CHPF2: variants seen among roughly 807,000 people sequenced by gnomAD.
The protein encoded by CHPF2 is chondroitin polymerizing factor 2, non-catalytic subunit.
Under a neutral mutation model 63.0 loss-of-function variants are expected in CHPF2, and 58 were observed. The observed-to-expected ratio is 0.92, with a 90% CI of 0.75 to 1.15. The LOEUF (loss-of-function observed/expected upper bound fraction) is 1.15. CHPF2 is among the 50% of genes most tolerant of loss of function. CHPF2 has a pLI of 0.00. For missense variants in CHPF2, 1,045 were observed against 1,035.4 expected (o/e 1.01, Z -0.13); for synonymous variants, 442 against 438.0 (o/e 1.01, Z -0.11).
In CHPF2 at chr7:151,238,337, C is replaced by T. The variant is rs1388309195; in HGVS notation, c.1975C>T (p.Pro659Ser). ...PPGADPSRGA[P>S]IGGRFDRQAS... ...TGGTGCTGACCCCTCCCGGGGGGCT[C>T]CTATAGGGGGGAGATTTGACCGGCA... The change falls in exon 4 of 4, where the codon CCT (proline) becomes TCT (serine). Residue 659 changes from proline (P) to serine (S), a missense_variant. Coordinates refer to ENST00000035307, the MANE Select transcript of CHPF2 (RefSeq NM_019015.3). The T allele has an allele frequency of 1.2e-6, 2 of 1,609,752 alleles. No individual in the cohort carries two copies. The highest frequency in any genetic ancestry group is 2.2e-5 in the East Asian group (1 of 44,794).
At position 151,232,660 on chromosome 7, in the gene CHPF2, C is replaced by A; in HGVS notation, c.-1352C>A. 3.3e-6 allele frequency: 4 copies of A among 1,215,596 alleles called. No individual in the cohort carries two copies. Among genetic ancestry groups the A allele is most frequent in the Non-Finnish European group, 3.3e-6 (3 of 898,024 alleles). The allele number at this position is 1,215,596 out of a possible 1,614,324, so 75.3% of individuals were successfully genotyped here. A position where few individuals can be genotyped will look rare whatever the true frequency, so the allele number is the denominator to read the frequency against. ...CGCCCCCTCCCGGGACGCCGGGAGA[C>A]CCCGGCCGTCCTTTATCCGGTGTCC... On this transcript the variant is annotated 5_prime_UTR_variant, in exon 1 of 4. Transcript: ENST00000035307.
In CHPF2 at chr7:151,233,261, T is replaced by C; in HGVS notation, c.-751T>C. 1 of 992,910 alleles carries C rather than the reference T, an allele frequency of 1.0e-6. No individual in the cohort carries two copies. The allele number at this position is 992,910 out of a possible 1,614,324, so 61.5% of individuals were successfully genotyped here. A position where few individuals can be genotyped will look rare whatever the true frequency, so the allele number is the denominator to read the frequency against. ...CCCTGCAAGATGGCTCCATCGGCCA[T>C]GGCGCTCCTGAGAGGCTGTCAGTGC... On this transcript the variant is annotated 5_prime_UTR_variant, in exon 1 of 4. It removes an upstream start codon present in the reference 5' UTR. Transcript: ENST00000035307.
intron 2 of CHPF2, 29 bp from the exon 3 acceptor site, chr7:151,236,379 G>A: frequency 3.2e-6 from 5 of 1,539,288 alleles, no homozygotes; most frequent in Non-Finnish European, 3.5e-6. Context: ...TCTTGTGTGT[G>A]TCATTGATTG....
In CHPF2 at chr7:151,232,837, C is replaced by G. The variant is rs764681672; in HGVS notation, c.-1175C>G. The G allele has an allele frequency of 4.6e-5, 67 of 1,456,056 alleles. No individual in the cohort carries two copies. The highest frequency in any genetic ancestry group is 5.4e-6 in the Non-Finnish European group (6 of 1,108,910). 90.2% of individuals were successfully genotyped at this position (1,456,056 alleles called of 1,614,324 possible). On this transcript the variant is annotated 5_prime_UTR_variant, in exon 1 of 4. Transcript: ENST00000035307. The stretch of plus-strand genomic sequence containing the variant: ...GAGGTCTGTGCCCCAGTCTCCCAGC[C>G]GCGACCTCCGACCCCGCCTCGCAGA...
rs142308143 is a variant in CHPF2 at position 151,236,485 on chromosome 7, C to T, written c.906C>T (p.Ala302=). The T allele has an allele frequency of 8.4e-5, 135 of 1,610,574 alleles. No individual in the cohort carries two copies. In the African/African-American group the frequency reaches 1.7e-3, roughly 20 times the overall value. The change falls in exon 3 of 4, where the codon GCC becomes GCT. Residue 302 remains alanine (A), a synonymous_variant. Transcript: ENST00000035307. The part of the protein sequence containing the change: ...EKEGSSAFLS[A]FAVHPVSEGT... ...AAGGGAGCTCGGCTTTCCTGAGTGC[C>T]TTCGCCGTGCACCCTGTCTCCGAAG...
Position 151,237,620 on chromosome 7 carries a change from C to G in CHPF2, c.1258C>G (p.Pro420Ala). ...ALEQLNRRYQ[P>A]RLRFQKQRLL... Reference sequence around the variant, plus strand: ...GGAGCAGCTCAATCGGCGCTATCAGCCCCGCCTGCGCTTCCAGAAGCAGCG... The same window carrying G: ...GGAGCAGCTCAATCGGCGCTATCAGGCCCGCCTGCGCTTCCAGAAGCAGCG... Residue 420 changes from proline to alanine, a missense_variant, in exon 4 of 4, where the codon CCC (proline) becomes GCC (alanine). Physicochemically the swap from Pro to Ala is conservative, Grantham distance 27. Coordinates refer to ENST00000035307, the MANE Select transcript of CHPF2 (RefSeq NM_019015.3). 1 of 1,613,172 alleles carries G rather than the reference C, an allele frequency of 6.2e-7. No homozygotes were observed. Among genetic ancestry groups the G allele is most frequent in the Non-Finnish European group, 8.5e-7 (1 of 1,179,896 alleles).
chr7:151,237,185 C>T (rs1221758095), intron 3 of CHPF2, 189 bp from the exon 4 acceptor site: 5 of 612,420 alleles, frequency 8.2e-6, no homozygotes, highest in Non-Finnish European at 1.5e-5. Flanking sequence ...GAGTATGATT[C>T]CTATTCCATC....
In CHPF2 at chr7:151,233,012, G is replaced by T; in HGVS notation, c.-1000G>T. Reference sequence around the variant, plus strand: ...CTGATCGCCGAGAGGTAGCGCAGGGGCTGTGGGCCCCCGGCAGGGGTCCTG... The same window carrying T: ...CTGATCGCCGAGAGGTAGCGCAGGGTCTGTGGGCCCCCGGCAGGGGTCCTG... On this transcript the variant is annotated 5_prime_UTR_variant, in exon 1 of 4. Transcript: ENST00000035307. The T allele has an allele frequency of 1.6e-6, 2 of 1,269,792 alleles. No individual in the cohort carries two copies. The highest frequency in any genetic ancestry group is 3.2e-5 in the East Asian group (1 of 31,488). The allele number at this position is 1,269,792 out of a possible 1,614,324, so 78.7% of individuals were successfully genotyped here. A position where few individuals can be genotyped will look rare whatever the true frequency, so the allele number is the denominator to read the frequency against.
At position 151,238,070 on chromosome 7, in the gene CHPF2, G is replaced by C; in HGVS notation, c.1708G>C (p.Ala570Pro). The change falls in exon 4 of 4, where the codon GCC becomes CCC. Residue 570 changes from alanine (A) to proline (P), a missense_variant. Physicochemically the swap from Ala to Pro is conservative, Grantham distance 27. Transcript: ENST00000035307. ...GGCCTGGCTCGCTGTGCGAGCAGAG[G>C]CCCCTTCCCAGGTGCGACTCATGGA... ...RLAWLAVRAE[A>P]PSQVRLMDVV... is the part of the protein sequence containing the mutation. The C allele has an allele frequency of 6.2e-7, 1 of 1,612,334 alleles. No individual in the cohort carries two copies. Among genetic ancestry groups the C allele is most frequent in the Non-Finnish European group, 8.5e-7 (1 of 1,180,002 alleles).
chr7:151,234,593 G>A (rs912211375), intron 1 of CHPF2, among the ~76,000 whole-genome samples: 1 of 152,172 alleles, frequency 6.6e-6, no homozygotes, highest in Non-Finnish European at 1.5e-5. Context: ...CCAGGTTCAA[G>A]TGATTTTCCT....
At position 151,237,665 on chromosome 7, in the gene CHPF2, C is replaced by T. The variant is rs372645185; in HGVS notation, c.1303C>T (p.Arg435Cys). 52 of 1,613,120 alleles carry T rather than the reference C, an allele frequency of 3.2e-5. No individual in the cohort carries two copies. Among genetic ancestry groups the T allele is most frequent in the South Asian group, 4.4e-5 (4 of 91,096 alleles). Residue 435 changes from arginine to cysteine, a missense_variant, in exon 4 of 4, where the codon CGC (arginine) becomes TGC (cysteine). Physicochemically the swap from Arg to Cys is radical, Grantham distance 180 (BLOSUM62 -3). Coordinates refer to ENST00000035307, the MANE Select transcript of CHPF2 (RefSeq NM_019015.3). ...QKQRLLNGYRRFDPARGMEYT... is the reference protein window; with the variant it reads ...QKQRLLNGYRCFDPARGMEYT... ...GCAGCGACTGCTCAACGGCTATCGG[C>T]GCTTCGACCCAGCACGGGGCATGGA...
In CHPF2 at chr7:151,233,478, C is replaced by T; in HGVS notation, c.-534C>T. The T allele has an allele frequency of 3.0e-6, 3 of 985,832 alleles. No individual in the cohort carries two copies. The highest frequency in any genetic ancestry group is 3.6e-6 in the Non-Finnish European group (3 of 830,190). The allele number at this position is 985,832 out of a possible 1,614,324, so 61.1% of individuals were successfully genotyped here. On this transcript the variant is annotated 5_prime_UTR_variant, in exon 1 of 4. Transcript: ENST00000035307. ...GCCTGCCGCAGTGGCTCAGCAGCCC[C>T]TTCAGTAGCCCGCCTGAGGACCGAT... is the stretch of plus-strand genomic sequence containing the variant.
rs1021772098 is a variant in CHPF2 at position 151,232,939 on chromosome 7, A to T, written c.-1073A>T. 1.5e-6 allele frequency: 2 copies of T among 1,336,138 alleles called. No individual in the cohort carries two copies. The highest frequency in any genetic ancestry group is 6.3e-5 in the East Asian group (2 of 31,870). The allele number at this position is 1,336,138 out of a possible 1,614,324, so 82.8% of individuals were successfully genotyped here. ...CCAGTTTATTTCTGTTTTGAGACGA[A>T]CGGCGAAGACTCGCGTCGGGTCTTC... On this transcript the variant is annotated 5_prime_UTR_variant, in exon 1 of 4. Transcript: ENST00000035307.
Position 151,234,053 on chromosome 7 carries a change from TC to T in CHPF2, c.46del (p.Leu16SerfsTer3), listed in dbSNP as rs1469423406. On this transcript the variant is annotated frameshift_variant, in exon 1 of 4. Coordinates refer to ENST00000035307, the MANE Select transcript of CHPF2 (RefSeq NM_019015.3). LOFTEE classifies it high-confidence loss of function. ...SLLALLRPAL[P>X]LILGLSLGCS... Reference sequence around the variant, plus strand: ...TGTTGGCTCTGCTGCGGCCAGCGCTTCCCCTCATCTTAGGGCTGTCTCTGGG... The same window carrying T: ...TGTTGGCTCTGCTGCGGCCAGCGCTTCCCTCATCTTAGGGCTGTCTCTGGG... The T allele has an allele frequency of 7.7e-6, 12 of 1,568,130 alleles. No individual in the cohort carries two copies. Among genetic ancestry groups the T allele is most frequent in the Non-Finnish European group, 9.5e-6 (11 of 1,157,714 alleles).
rs750899654 is a variant in CHPF2 at position 151,238,389 on chromosome 7, A to C, written c.2027A>C (p.Asn676Thr). The change falls in exon 4 of 4, where the codon AAC becomes ACC. Residue 676 changes from asparagine (N) to threonine (T), a missense_variant. Coordinates refer to ENST00000035307, the MANE Select transcript of CHPF2 (RefSeq NM_019015.3). ...RQASAEGCFY[N>T]ADYLAARARL... ...GCTTCTGCGGAGGGCTGCTTCTACA[A>C]CGCTGACTACCTGGCGGCCCGAGCC... 1.2e-6 allele frequency: 2 copies of C among 1,606,458 alleles called. No homozygotes were observed. The highest frequency in any genetic ancestry group is 2.2e-5 in the South Asian group (2 of 90,370).
chr7:151,233,227 A>T lies in CHPF2; in HGVS notation c.-785A>T. The T allele has an allele frequency of 9.9e-7, 1 of 1,006,274 alleles. No individual in the cohort carries two copies. The highest frequency in any genetic ancestry group is 1.2e-6 in the Non-Finnish European group (1 of 843,848). 62.3% of individuals were successfully genotyped at this position (1,006,274 alleles called of 1,614,324 possible). A position where few individuals can be genotyped will look rare whatever the true frequency, so the allele number is the denominator to read the frequency against. On this transcript the variant is annotated 5_prime_UTR_variant, in exon 1 of 4. Coordinates refer to ENST00000035307, the MANE Select transcript of CHPF2 (RefSeq NM_019015.3). ...TGTCTCCTCAGCAGCTGGGGTTCCG[A>T]GGAGAATGCCCTGCAAGATGGCTCC...
At position 151,235,482 on chromosome 7, in the gene CHPF2, G is replaced by A. The variant is rs375845789; in HGVS notation, c.698G>A (p.Arg233Gln). ...GGGGGCTTTGGCTACCTGTTGTCAC[G>A]GAGTCTCCTGCTTCGTCTGCGGCCA... ...CHGGFGYLLS[R>Q]SLLLRLRPHL... The change falls in exon 2 of 4, where the codon CGG becomes CAG. Residue 233 changes from arginine (R) to glutamine (Q), a missense_variant. Physicochemically the swap from Arg to Gln is conservative, Grantham distance 43. Coordinates refer to ENST00000035307, the MANE Select transcript of CHPF2 (RefSeq NM_019015.3). 2.1e-5 allele frequency: 34 copies of A among 1,611,470 alleles called. No individual in the cohort carries two copies. Among genetic ancestry groups the A allele is most frequent in the African/African-American group, 5.3e-5 (4 of 74,922 alleles).
Position 151,232,893 on chromosome 7 carries a change from C to T in CHPF2, c.-1119C>T, listed in dbSNP as rs1802513163. On this transcript the variant is annotated 5_prime_UTR_variant, in exon 1 of 4. Transcript: ENST00000035307. The stretch of plus-strand genomic sequence containing the variant: ...CCGAGCTGGTCTCCCGAGCCCCCTT[C>T]TCAGCAGCCCGGTGACGTGGCCAGT... The T allele has an allele frequency of 1.9e-5, 26 of 1,377,962 alleles. No homozygotes were observed. The South Asian group carries it at 4.2e-4, about 22-fold the overall frequency. 85.4% of individuals were successfully genotyped at this position (1,377,962 alleles called of 1,614,324 possible).
Position 151,237,458 on chromosome 7 carries a change from C to T in CHPF2, c.1096C>T (p.Pro366Ser). Residue 366 changes from proline (P) to serine (S), a missense_variant, in exon 4 of 4, where the codon CCA becomes TCA. Coordinates refer to ENST00000035307, the MANE Select transcript of CHPF2 (RefSeq NM_019015.3). ...WPVGLPAPFTPHSRFEVLGWD... is the reference protein window; with the variant it reads ...WPVGLPAPFTSHSRFEVLGWD... ...CGTTGGGCTCCCTGCTCCTTTCACA[C>T]CACACTCTCGCTTTGAGGTGCTGGG... 6.2e-7 allele frequency: 1 copy of T among 1,613,944 alleles called. No homozygotes were observed. The highest frequency in any genetic ancestry group is 8.5e-7 in the Non-Finnish European group (1 of 1,179,972).
Sources: gnomAD v4.1 joint callset for allele counts (sites outside exome capture counted in the v4.1 genomes callset) on GRCh38, gnomAD v4.1.1 for gene constraint, MANE v1.5 for transcripts, NCBI Gene and HGNC (gene_info 2026-07-23, HGNC 2026-07-21) for gene names.